ADCY6: variants seen among roughly 807,000 people sequenced by gnomAD.
ADCY6 encodes the protein adenylate cyclase 6.
ADCY6 carries 59 observed loss-of-function variants against 111.6 expected under a neutral mutation model. The ratio of observed to expected loss-of-function variants is 0.53; its 90% CI spans 0.43 to 0.66. The LOEUF (loss-of-function observed/expected upper bound fraction) is 0.66, where lower values mean the gene tolerates loss of function less well. ADCY6 is among the 30% of genes least tolerant of loss of function. ADCY6 has a pLI of 0.00. For missense variants in ADCY6, 1,242 were observed against 1,595.6 expected, an observed-to-expected ratio of 0.78 and a Z score of 3.78; for synonymous variants, 576 against 642.9, an observed-to-expected ratio of 0.90 and a Z score of 1.57.
At position 48,771,545 on chromosome 12, in the gene ADCY6, C is replaced by A; in HGVS notation, c.3051+165G>T. On this transcript the variant is annotated intron_variant, in intron 19 of 21. Coordinates refer to ENST00000357869, the MANE Select transcript of ADCY6 (RefSeq NM_015270.5). The surrounding 1 kb of genome is among the most constrained non-coding windows in gnomAD (Gnocchi z 4.3). ...GCTGACCCCCTTGCTGCCTCTGACA[C>A]CTTCATGGGTTCTTGCCTCTGCCTC... 8.6e-7 allele frequency: 1 copy of A among 1,161,026 alleles called. No homozygotes were observed. 71.9% of individuals were successfully genotyped at this position (1,161,026 alleles called of 1,614,324 possible). A position where few individuals can be genotyped will look rare whatever the true frequency, so the allele number is the denominator to read the frequency against.
In ADCY6 at chr12:48,782,865, C is replaced by T; in HGVS notation, c.570G>A (p.Leu190=). Residue 190 remains leucine (L), a synonymous_variant, in exon 2 of 22, where the codon CTG becomes CTA. Coordinates refer to ENST00000357869, the MANE Select transcript of ADCY6 (RefSeq NM_015270.5). This position sits in a 1 kb window ranked among gnomAD's most constrained non-coding sequence, Gnocchi z 4.3. The stretch of plus-strand genomic sequence containing the variant: ...TACACACCACCATGAGCCCCACGAA[C>T]AGGGCGGCGGCACAGGCCAACAGTG... ...YVALLACAAA[L]FVGLMVVCNR... is the part of the protein sequence containing the mutation. 6.2e-7 allele frequency: 1 copy of T among 1,614,044 alleles called. No individual in the cohort carries two copies. The highest frequency in any genetic ancestry group is 8.5e-7 in the Non-Finnish European group (1 of 1,179,958).
At position 48,773,450 on chromosome 12, in the gene ADCY6, G is replaced by C; in HGVS notation, c.2621+19C>G. 6.2e-7 allele frequency: 1 copy of C among 1,611,482 alleles called. No homozygotes were observed. The highest frequency in any genetic ancestry group is 1.1e-5 in the South Asian group (1 of 90,902). On this transcript the variant is annotated intron_variant, in intron 16 of 21. Coordinates refer to ENST00000357869, the MANE Select transcript of ADCY6 (RefSeq NM_015270.5). ...GAGGGAAGCTCCTGGGGTATTAAAGGACCTGAGAATAAACTCACAAGCCAT... is the reference window on the plus strand; with the variant it reads ...GAGGGAAGCTCCTGGGGTATTAAAGCACCTGAGAATAAACTCACAAGCCAT...
chr12:48,785,537 T>C (rs1014000215), intron 1 of ADCY6, among the ~76,000 whole-genome samples: 3 of 152,162 alleles, frequency 2.0e-5, no homozygotes, highest in Non-Finnish European at 2.9e-5. Flanking sequence ...GAGAATCACT[T>C]AAATCCAGGA....
chr12:48,780,758 G>A (rs1941820461), intron 2 of ADCY6, among the ~76,000 whole-genome samples: 1 of 152,238 alleles, frequency 6.6e-6, no homozygotes, highest in East Asian at 1.9e-4. Flanking sequence ...GGGCAGTCCA[G>A]CCATAAAGCC....
In ADCY6 at chr12:48,772,442, C is replaced by T; in HGVS notation, c.2658-18G>A. ...CAGCTGGACTAAGGATAAGCAGAGA[C>T]ATGCTTGGTGTCTGAAGGAGGCATC... On this transcript the variant is annotated intron_variant, in intron 17 of 21. Transcript: ENST00000357869. 1.2e-6 allele frequency: 2 copies of T among 1,614,136 alleles called. No individual in the cohort carries two copies. The highest frequency in any genetic ancestry group is 1.7e-6 in the Non-Finnish European group (2 of 1,179,974).
Position 48,776,967 on chromosome 12 carries a change from TC to T in ADCY6, c.1376+136del. On this transcript the variant is annotated intron_variant, in intron 6 of 21. Transcript: ENST00000357869. The surrounding 1 kb of genome is among the most constrained non-coding windows in gnomAD (Gnocchi z 6.1). ...GTCTTTGCACAGGTTGGAGAAAGAT[TC>T]CCCTTCCCAGTGACAGACAGACCTC... 1 of 1,334,060 alleles carries T rather than the reference TC, an allele frequency of 7.5e-7. No homozygotes were observed. The allele number at this position is 1,334,060 out of a possible 1,614,324, so 82.6% of individuals were successfully genotyped here. A position where few individuals can be genotyped will look rare whatever the true frequency, so the allele number is the denominator to read the frequency against.
intron 2 of ADCY6, 165 bp from the exon 3 acceptor site, chr12:48,778,422 T>G: frequency 1.4e-6 from 1 of 731,780 alleles, no homozygotes; most frequent in Non-Finnish European, 2.3e-6. Context: ...TCTCTCCCAT[T>G]ACCCACAGGA....
chr12:48,772,248 C>T (rs772406411), intron 18 of ADCY6, 47 bp downstream of exon 18: 8 of 1,570,602 alleles, frequency 5.1e-6, no homozygotes, highest in Non-Finnish European at 6.9e-6. Context: ...CTGGCCCAGG[C>T]TCCGCCCCTA....
chr12:48,776,678 G>A lies in ADCY6; in HGVS notation c.1377-92C>T. The A allele has an allele frequency of 6.8e-7, 1 of 1,477,122 alleles. No individual in the cohort carries two copies. The highest frequency in any genetic ancestry group is 1.3e-5 in the South Asian group (1 of 74,786). 91.5% of individuals were successfully genotyped at this position (1,477,122 alleles called of 1,614,324 possible). A position where few individuals can be genotyped will look rare whatever the true frequency, so the allele number is the denominator to read the frequency against. ...CTTCACTCCTCTCAGGGCCCAGCGGGCAAGGACAGACCCAGATGCAGGGGA... is the reference window on the plus strand; with the variant it reads ...CTTCACTCCTCTCAGGGCCCAGCGGACAAGGACAGACCCAGATGCAGGGGA... On this transcript the variant is annotated intron_variant, in intron 6 of 21. Transcript: ENST00000357869. The surrounding 1 kb of genome is among the most constrained non-coding windows in gnomAD (Gnocchi z 6.1).
At chr12:48,772,899 C>G (rs546096958) in intron 16 of ADCY6, among the ~76,000 whole-genome samples, 13 of 152,316 alleles carry the variant, frequency 8.5e-5, no homozygotes, top group African/African-American at 2.4e-4. Flanking sequence ...ATCTTTACAA[C>G]TACCCTGTGA....
chr12:48,782,863 A>G lies in ADCY6; in HGVS notation c.572T>C (p.Phe191Ser). 1 of 1,614,028 alleles carries G rather than the reference A, an allele frequency of 6.2e-7. No individual in the cohort carries two copies. Among genetic ancestry groups the G allele is most frequent in the Non-Finnish European group, 8.5e-7 (1 of 1,179,956 alleles). The part of the protein sequence containing the change: ...VALLACAAAL[F>S]VGLMVVCNRH... ...GTTACACACCACCATGAGCCCCACG[A>G]ACAGGGCGGCGGCACAGGCCAACAG... is the stretch of plus-strand genomic sequence containing the variant. Residue 191 changes from phenylalanine to serine, a missense_variant, in exon 2 of 22, where the codon TTC (phenylalanine) becomes TCC (serine). Physicochemically the swap from Phe to Ser is radical, Grantham distance 155. Transcript: ENST00000357869. This position sits in a 1 kb window ranked among gnomAD's most constrained non-coding sequence, Gnocchi z 4.3.
chr12:48,780,888 A>T (rs12314663), intron 2 of ADCY6, among the ~76,000 whole-genome samples: 29,886 of 152,198 alleles, frequency 0.2, 3,121 homozygotes, highest in South Asian at 0.26. Context: ...AGTTACTTTT[A>T]AAAAGGTACG....
chr12:48,774,463 T>C lies in ADCY6; in HGVS notation c.2222A>G (p.His741Arg), dbSNP rs1418162921. ...LSRSIVRSRA[H>R]STAVGIFSVL... The stretch of plus-strand genomic sequence containing the variant: ...GGAAAAGATGCCAACTGCGGTGCTA[T>C]GTGCCCGTGAGCGGACAATGCTGCG... The change falls in exon 14 of 22, where the codon CAT (histidine) becomes CGT (arginine). Residue 741 changes from histidine (H) to arginine (R), a missense_variant. Around this residue, in one of 4 missense-constraint regions of ADCY6, gnomAD observed 375 missense variants for 432.5 expected, o/e 0.87. Coordinates refer to ENST00000357869, the MANE Select transcript of ADCY6 (RefSeq NM_015270.5). 2.5e-6 allele frequency: 4 copies of C among 1,613,844 alleles called. No homozygotes were observed. Among genetic ancestry groups the C allele is most frequent in the Non-Finnish European group, 3.4e-6 (4 of 1,179,996 alleles).
chr12:48,773,408 C>T, intron 16 of ADCY6, 61 bp downstream of exon 16: 1 of 1,559,906 alleles, frequency 6.4e-7, no homozygotes. Context: ...GAGAGGCTCA[C>T]AGTGACCTAG....
rs751251878 is a variant in ADCY6, at chr12:48,774,698, C to T, written c.2159G>A (p.Cys720Tyr). 1 of 1,614,066 alleles carries T rather than the reference C, an allele frequency of 6.2e-7. No homozygotes were observed. Among genetic ancestry groups the T allele is most frequent in the Admixed American group, 1.7e-5 (1 of 60,020 alleles). ...AGAAATCCCCTTACGTACAGAACCA[C>T]AGGAGTACACAGCACAGATCAGCAC... ...ITVLICAVYSCGSLFPKALQR... is the reference protein window; with the variant it reads ...ITVLICAVYSYGSLFPKALQR... The change falls in exon 13 of 22, where the codon TGT becomes TAT. Residue 720 changes from cysteine to tyrosine, a missense_variant. This residue lies in a region of ADCY6 where 375 missense variants were observed against 432.5 expected (regional missense o/e 0.87). Coordinates refer to ENST00000357869, the MANE Select transcript of ADCY6 (RefSeq NM_015270.5).
intron 16 of ADCY6, among the ~76,000 whole-genome samples, 185 bp from the exon 17 acceptor site, chr12:48,772,728 G>C (rs936593803): frequency 6.6e-6 from 1 of 152,146 alleles, no homozygotes; most frequent in Non-Finnish European, 1.5e-5. Flanking sequence ...TGCTCTTAGA[G>C]ACTCCTCTAC....
At position 48,775,982 on chromosome 12, in the gene ADCY6, G is replaced by A; in HGVS notation, c.1787C>T (p.Ser596Phe). 1 of 1,607,694 alleles carries A rather than the reference G, an allele frequency of 6.2e-7. No homozygotes were observed. Among genetic ancestry groups the A allele is most frequent in the Non-Finnish European group, 8.5e-7 (1 of 1,177,036 alleles). ...CCTCACCATCTGGCGGAAGGCCTTG[G>A]AGTCCTTGGTCCGGGAGAAGGCACG... ...PDRAFSRTKD[S>F]KAFRQMGIDD... is the part of the protein sequence containing the mutation. Residue 596 changes from serine to phenylalanine, a missense_variant, in exon 9 of 22, where the codon TCC becomes TTC. By Grantham distance (155) the Ser-to-Phe change is radical. Coordinates refer to ENST00000357869, the MANE Select transcript of ADCY6 (RefSeq NM_015270.5).
chr12:48,769,676 T>A (rs1274205799), intron 20 of ADCY6, among the ~76,000 whole-genome samples: 1 of 149,104 alleles, frequency 6.7e-6, no homozygotes, highest in East Asian at 2.0e-4. Context: ...AACCTCTGCC[T>A]CCCAGGTTCA....
chr12:48,778,154 C>A lies in ADCY6; in HGVS notation c.968G>T (p.Gly323Val). 6.2e-7 allele frequency: 1 copy of A among 1,613,896 alleles called. No individual in the cohort carries two copies. Among genetic ancestry groups the A allele is most frequent in the South Asian group, 1.1e-5 (1 of 91,010 alleles). Reference protein sequence around the residue: ...SQRQAFQETRGYIQARLHLQH... With the variant: ...SQRQAFQETRVYIQARLHLQH... ...CAGGTGGAGCCGGGCCTGGATGTAACCGCGGGTCTCCTGAAAGGCCTGGCG... is the reference window on the plus strand; with the variant it reads ...CAGGTGGAGCCGGGCCTGGATGTAAACGCGGGTCTCCTGAAAGGCCTGGCG... Residue 323 changes from glycine to valine, a missense_variant, in exon 3 of 22, where the codon GGT (glycine) becomes GTT (valine). By Grantham distance (109) the Gly-to-Val change is moderately radical. Transcript: ENST00000357869.
Sources: allele counts gnomAD v4.1 joint callset (sites outside exome capture counted in the v4.1 genomes callset), GRCh38; gene constraint gnomAD v4.1.1; regional missense constraint gnomAD v4.1.1; non-coding constraint Gnocchi (gnomAD v3.1); transcripts MANE v1.5; gene names NCBI Gene and HGNC (gene_info 2026-07-23, HGNC 2026-07-21).